SUGCT: variants seen among roughly 807,000 people sequenced by gnomAD.
SUGCT encodes succinyl-CoA:glutarate-CoA transferase, also known as succinyl-CoA:glutarate CoA-transferase.
In SUGCT, 41 loss-of-function variants were observed where a neutral mutation model predicts 55.0. That is an observed-to-expected ratio of 0.74 (90% CI 0.58 to 0.97). SUGCT has a LOEUF of 0.97. Ranked by LOEUF, SUGCT falls within the 50% of genes least tolerant of loss-of-function variation. SUGCT has a pLI of 0.00. For missense variants in SUGCT, 568 were observed against 547.8 expected (o/e 1.04, Z -0.37); for synonymous variants, 187 against 200.4 (o/e 0.93, Z 0.56).
At chr7:40,721,392 CT>C (rs1289112968) in intron 12 of SUGCT, among the ~76,000 whole-genome samples, 1 of 152,084 alleles carries the variant, frequency 6.6e-6, no homozygotes, top group Non-Finnish European at 1.5e-5. Context: ...ATATTTAAGC[CT>C]TTTGAATAGT....
intron 12 of SUGCT, among the ~76,000 whole-genome samples, chr7:40,745,592 C>G (rs965547845): frequency 6.6e-6 from 1 of 152,042 alleles, no homozygotes; most frequent in Non-Finnish European, 1.5e-5. Context: ...AAGAGGTTGG[C>G]GCACTGACTA....
intron 12 of SUGCT, among the ~76,000 whole-genome samples, chr7:40,741,624 T>C (rs958644486): frequency 6.6e-6 from 1 of 152,166 alleles, no homozygotes; most frequent in Admixed American, 6.5e-5. Context: ...CCTAGAAAAA[T>C]TGTTGCATGA....
chr7:40,265,433 CAT>C (rs1349627555), intron 7 of SUGCT, among the ~76,000 whole-genome samples: 2 of 152,104 alleles, frequency 1.3e-5, no homozygotes, highest in African/African-American at 4.8e-5. Context: ...TAGAAAAACA[CAT>C]GATTTTTTTT....
chr7:41,002,572 A>G, the SUGCT span, among the ~76,000 whole-genome samples: 1 of 152,092 alleles, frequency 6.6e-6, no homozygotes, highest in Non-Finnish European at 1.5e-5. Flanking sequence ...GGCATGATTG[A>G]GTGTCCATTT....
In SUGCT at chr7:40,459,085, T is replaced by A; in HGVS notation, c.889-16T>A. 2.5e-6 allele frequency: 4 copies of A among 1,570,886 alleles called. No homozygotes were observed. The highest frequency in any genetic ancestry group is 3.5e-6 in the Non-Finnish European group (4 of 1,143,788). On this transcript the variant is annotated splice_polypyrimidine_tract_variant and intron_variant, in intron 10 of 13. Coordinates refer to ENST00000335693, the MANE Select transcript of SUGCT (RefSeq NM_001193313.2). ...CTACCTATTTCTTATACTGGAAAAT[T>A]ATTTTTTTCTTTTAGATCTTGGATT...
chr7:40,942,729 A>G, the SUGCT span, among the ~76,000 whole-genome samples: 4 of 151,370 alleles, frequency 2.6e-5, no homozygotes, highest in South Asian at 2.1e-4. Flanking sequence ...ACATAATGCC[A>G]TATTTCTTGG....
At chr7:40,947,387 C>T in the SUGCT span, among the ~76,000 whole-genome samples, 4 of 151,924 alleles carry the variant, frequency 2.6e-5, no homozygotes, top group Non-Finnish European at 5.9e-5. Flanking sequence ...CTTGTTTGTA[C>T]ATGTTTAAAT....
At chr7:41,028,929 G>A in the SUGCT span, among the ~76,000 whole-genome samples, 17 of 152,236 alleles carry the variant, frequency 1.1e-4, no homozygotes, top group East Asian at 2.7e-3. Flanking sequence ...TTCAGCTCTC[G>A]GCAGTGTTAA....
intron 6 of SUGCT, 54 bp from the exon 7 acceptor site, chr7:40,237,581 G>A (rs371456616): frequency 7.6e-7 from 1 of 1,322,002 alleles, no homozygotes; most frequent in Non-Finnish European, 1.1e-6. Flanking sequence ...ATATTGTACA[G>A]TGGTTTTAGC....
intron 9 of SUGCT, among the ~76,000 whole-genome samples, chr7:40,439,812 T>C (rs1400503470): frequency 6.6e-6 from 1 of 152,206 alleles, no homozygotes; most frequent in Non-Finnish European, 1.5e-5. Flanking sequence ...ACAGCCAGAC[T>C]GCTCAAACAG....
chr7:40,635,887 T>A (rs1307657210), intron 12 of SUGCT, among the ~76,000 whole-genome samples: 1 of 152,188 alleles, frequency 6.6e-6, no homozygotes, highest in Non-Finnish European at 1.5e-5. Flanking sequence ...TGGATTTAAG[T>A]TACTGTGGAC....
rs891936976 is a variant in SUGCT at position 40,173,654 on chromosome 7, G to A, written c.101-7293G>A. ...GCCCTCTTTACTACCTGATTGGTTGGATGTGAGTTGAGTTAAAAGCCCCGT... is the reference window on the plus strand; with the variant it reads ...GCCCTCTTTACTACCTGATTGGTTGAATGTGAGTTGAGTTAAAAGCCCCGT... On this transcript the variant is annotated intron_variant, in intron 1 of 13. Coordinates refer to ENST00000335693, the MANE Select transcript of SUGCT (RefSeq NM_001193313.2). Among the ~76,000 whole-genome samples the A allele has an allele frequency of 3.9e-5, 6 of 152,142 alleles. No individual in the cohort carries two copies. The East Asian group carries it at 1.2e-3, about 29-fold the overall frequency.
At chr7:40,866,866 C>T in the SUGCT span, among the ~76,000 whole-genome samples, 57 of 152,056 alleles carry the variant, frequency 3.7e-4, 1 homozygote, top group South Asian at 0.011. Context: ...TGACAACGAT[C>T]CAAACTCGAT....
intron 6 of SUGCT, among the ~76,000 whole-genome samples, chr7:40,218,935 C>T (rs184141273): frequency 2.2e-3 from 334 of 152,306 alleles, no homozygotes; most frequent in Non-Finnish European, 3.5e-3. Flanking sequence ...GGCGGAAATC[C>T]GTTGGGGTCC....
intron 1 of SUGCT, among the ~76,000 whole-genome samples, chr7:40,144,985 T>A (rs1788170383): frequency 6.6e-6 from 1 of 152,224 alleles, no homozygotes; most frequent in Non-Finnish European, 1.5e-5. Flanking sequence ...AGACTCTTTT[T>A]AACCTTGTAT....
At chr7:40,943,767 T>C in the SUGCT span, among the ~76,000 whole-genome samples, 2 of 152,076 alleles carry the variant, frequency 1.3e-5, no homozygotes, top group Non-Finnish European at 2.9e-5. Flanking sequence ...TATAGCAGCG[T>C]GATTTATAGT....
chr7:40,398,682 A>T (rs567978413), intron 9 of SUGCT, among the ~76,000 whole-genome samples: 1 of 152,150 alleles, frequency 6.6e-6, no homozygotes, highest in Admixed American at 6.6e-5. Context: ...ATAAGGCCCA[A>T]TCTTTTTATT....
chr7:40,401,249 C>T (rs964662720), intron 9 of SUGCT, among the ~76,000 whole-genome samples: 1 of 152,126 alleles, frequency 6.6e-6, no homozygotes, highest in African/African-American at 2.4e-5. Context: ...GCTCTTATTA[C>T]ACCAAACCTG....
At chr7:40,369,281 G>A (rs571538732) in intron 9 of SUGCT, among the ~76,000 whole-genome samples, 16 of 152,218 alleles carry the variant, frequency 1.1e-4, no homozygotes, top group African/African-American at 3.9e-4. Context: ...CTTTGGAAGT[G>A]GAGTGGAAGA....
Sources: gnomAD v4.1 joint callset for allele counts (sites outside exome capture counted in the v4.1 genomes callset) on GRCh38, gnomAD v4.1.1 for gene constraint, MANE v1.5 for transcripts, NCBI Gene and HGNC (gene_info 2026-07-23, HGNC 2026-07-21) for gene names.